Variants in CDK13 observed in about 807,000 individuals in gnomAD.
CDK13 encodes the protein cyclin-dependent kinase 13.
In CDK13, 40 loss-of-function variants were observed where a neutral mutation model predicts 137.6. The observed-to-expected ratio is 0.29, with a 90% CI of 0.23 to 0.38. CDK13 has a LOEUF of 0.38. Among genes scored for constraint, CDK13 ranks in the 10% least tolerant of loss-of-function variants. The pLI is 1.00. For synonymous variants in CDK13, 869 were observed against 760.1 expected, an observed-to-expected ratio of 1.14 and a Z score of -2.36; for missense variants, 1,704 against 1,951.8, an observed-to-expected ratio of 0.87 and a Z score of 2.39.
In CDK13 at chr7:40,092,705, G is replaced by GT. The variant is rs1205998133; in HGVS notation, c.3236-79dup. 19 of 952,348 alleles carry GT rather than the reference G, an allele frequency of 2.0e-5. No individual in the cohort carries two copies. The East Asian group carries it at 4.6e-4, about 23-fold the overall frequency. 59.0% of individuals were successfully genotyped at this position (952,348 alleles called of 1,614,324 possible). ...TCCCTCAAATATATATTTTCATATG[G>GT]TAATACAGAGCCATTTTGGTGTGGG... On this transcript the variant is annotated intron_variant, in intron 12 of 13. Coordinates refer to ENST00000181839, the MANE Select transcript of CDK13 (RefSeq NM_003718.5).
intron 2 of CDK13, 68 bp from the exon 3 acceptor site, chr7:39,997,426 A>G: frequency 8.7e-7 from 1 of 1,144,628 alleles, no homozygotes; most frequent in African/African-American, 1.6e-5. Context: ...CTTAAATGTA[A>G]GTCATAAGCA....
intron 7 of CDK13, chr7:40,062,584 A>T (rs1375761819): frequency 7.4e-6 from 3 of 402,760 alleles, no homozygotes; most frequent in African/African-American, 6.2e-5. Context: ...CCAGCCTATC[A>T]GTCAACTACT....
rs1031388883 is a variant in CDK13, at chr7:40,099,155, G to A, written c.*4175G>A. The A allele has an allele frequency of 9.9e-5, 15 of 151,732 alleles. No individual in the cohort carries two copies. The highest frequency in any genetic ancestry group is 2.9e-4 in the African/African-American group (12 of 41,336). 9.4% of individuals were successfully genotyped at this position (151,732 alleles called of 1,614,324 possible). On this transcript the variant is annotated 3_prime_UTR_variant, in exon 14 of 14. Coordinates refer to ENST00000181839, the MANE Select transcript of CDK13 (RefSeq NM_003718.5). The stretch of plus-strand genomic sequence containing the variant: ...AGCAATAGTTTGCCATTTACCAAAG[G>A]CTTCTCCAGATAATTTCTTAAATGT...
chr7:39,989,639 G>C (rs1188370942), intron 2 of CDK13, among the ~76,000 whole-genome samples: 1 of 152,082 alleles, frequency 6.6e-6, no homozygotes, highest in Non-Finnish European at 1.5e-5. Flanking sequence ...TTGCAGGTTT[G>C]ACTGTTCTCA....
chr7:39,959,088 C>G (rs1787521198), intron 1 of CDK13, among the ~76,000 whole-genome samples: 2 of 152,052 alleles, frequency 1.3e-5, no homozygotes, highest in African/African-American at 4.8e-5. Context: ...CCTATTGGTG[C>G]CTGGCACCAT....
chr7:39,976,635 C>T (rs933709413), intron 1 of CDK13, among the ~76,000 whole-genome samples: 2 of 151,960 alleles, frequency 1.3e-5, no homozygotes, highest in Non-Finnish European at 2.9e-5. Context: ...AAATAGTACT[C>T]CACTCTAAAT....
Position 40,096,025 on chromosome 7 carries a change from C to G in CDK13, c.*1045C>G, listed in dbSNP as rs977277103. 1 of 152,110 alleles carries G rather than the reference C, an allele frequency of 6.6e-6. No homozygotes were observed. Among genetic ancestry groups the G allele is most frequent in the African/African-American group, 2.4e-5 (1 of 41,428 alleles). 9.4% of individuals were successfully genotyped at this position (152,110 alleles called of 1,614,324 possible). On this transcript the variant is annotated 3_prime_UTR_variant, in exon 14 of 14. Transcript: ENST00000181839. ...TTTTAGAGTACCATTTTCTTTCAGG[C>G]TGCCATATTATCCCTGTTTCCATTT...
chr7:40,073,259 T>A (rs763263617), intron 9 of CDK13: 1 of 152,224 alleles, frequency 6.6e-6, no homozygotes. Flanking sequence ...ACATGGGTTA[T>A]ATGATTTATA....
At chr7:40,053,459 C>G (rs1785938487) in intron 7 of CDK13, among the ~76,000 whole-genome samples, 1 of 152,188 alleles carries the variant, frequency 6.6e-6, no homozygotes, top group Non-Finnish European at 1.5e-5. Context: ...TTCTGCCATT[C>G]CAGCCCCCCT....
In CDK13 at chr7:39,954,048, A is replaced by C. The variant is rs940639975; in HGVS notation, c.1211+2196A>C. On this transcript the variant is annotated intron_variant, in intron 1 of 13. Coordinates refer to ENST00000181839, the MANE Select transcript of CDK13 (RefSeq NM_003718.5). ...TTATTCAATATCCCAAATTGTTAGA[A>C]TTCTTCATATTGTGACCAAAATCCA... Among the ~76,000 whole-genome samples, 5 of 152,358 alleles carry C rather than the reference A, an allele frequency of 3.3e-5. No homozygotes were observed. In the South Asian group the frequency reaches 1.0e-3, roughly 32 times the overall value.
intron 5 of CDK13, among the ~76,000 whole-genome samples, chr7:40,011,650 C>T (rs1784896827): frequency 6.6e-6 from 1 of 152,050 alleles, no homozygotes; most frequent in African/African-American, 2.4e-5. Context: ...GGATCAGTGA[C>T]TTAAATGTAA....
intron 2 of CDK13, among the ~76,000 whole-genome samples, chr7:39,991,529 G>T (rs1784455499): frequency 6.9e-6 from 1 of 145,930 alleles, no homozygotes. Context: ...GTGTGTTTTG[G>T]ATGGCCTCTT....
At position 40,094,574 on chromosome 7, in the gene CDK13, A is replaced by T. The variant is rs765134202; in HGVS notation, c.4133A>T (p.Asp1378Val). The T allele has an allele frequency of 6.2e-7, 1 of 1,612,558 alleles. No homozygotes were observed. Among genetic ancestry groups the T allele is most frequent in the South Asian group, 1.1e-5 (1 of 90,872 alleles). ...FIGNSDIQSL[D>V]NYSTASSHSG... The stretch of plus-strand genomic sequence containing the variant: ...GGAAATTCAGATATTCAGTCTTTGG[A>T]TAACTACAGTACTGCTTCATCTCAT... The change falls in exon 14 of 14, where the codon GAT becomes GTT. Residue 1378 changes from aspartate to valine, a missense_variant. Around this residue, in one of 5 missense-constraint regions of CDK13, gnomAD observed 475 missense variants for 579.3 expected, o/e 0.82. Transcript: ENST00000181839.
intron 1 of CDK13, among the ~76,000 whole-genome samples, chr7:39,972,931 G>T (rs1300387466): frequency 1.3e-5 from 2 of 152,202 alleles, no homozygotes; most frequent in East Asian, 3.9e-4. Context: ...ACATATGAGG[G>T]TTCCAGTTTC....
chr7:39,964,081 A>G, intron 1 of CDK13, among the ~76,000 whole-genome samples: 1 of 151,846 alleles, frequency 6.6e-6, no homozygotes, highest in East Asian at 1.9e-4. Flanking sequence ...CTAAAATTCT[A>G]TTTTTTGTTG....
chr7:40,023,311 C>T (rs901309153), intron 5 of CDK13, among the ~76,000 whole-genome samples: 1 of 152,006 alleles, frequency 6.6e-6, no homozygotes, highest in African/African-American at 2.4e-5. Context: ...GTGATTTGCC[C>T]ACCTTGTCCT....
chr7:39,996,310 A>G (rs1215735778), intron 2 of CDK13, among the ~76,000 whole-genome samples: 7 of 152,222 alleles, frequency 4.6e-5, no homozygotes, highest in Non-Finnish European at 1.0e-4. Context: ...CTCAACTGCT[A>G]TGAAAGTATG....
At chr7:40,058,021 A>G (rs1786058858) in intron 7 of CDK13, among the ~76,000 whole-genome samples, 1 of 152,208 alleles carries the variant, frequency 6.6e-6, no homozygotes, top group Non-Finnish European at 1.5e-5. Flanking sequence ...TAACGACTAT[A>G]GTGTCAAAGT....
At chr7:39,969,671 ATT>A (rs370071449) in intron 1 of CDK13, among the ~76,000 whole-genome samples, 1 of 144,896 alleles carries the variant, frequency 6.9e-6, no homozygotes, top group African/African-American at 2.5e-5. Flanking sequence ...AATAAGACTT[ATT>A]TTTTTTTTTG....
Sources: allele counts gnomAD v4.1 joint callset (sites outside exome capture counted in the v4.1 genomes callset), GRCh38; gene constraint gnomAD v4.1.1; regional missense constraint gnomAD v4.1.1; transcripts MANE v1.5; gene names NCBI Gene and HGNC (gene_info 2026-07-23, HGNC 2026-07-21).